The following ZC3H12C variants were observed in gnomAD, a reference collection of about 807,000 sequenced individuals.
ZC3H12C encodes zinc finger CCCH-type containing 12C, also known as probable ribonuclease ZC3H12C.
ZC3H12C carries 20 observed loss-of-function variants against 76.3 expected under a neutral mutation model. That is an observed-to-expected ratio of 0.26 (90% CI 0.18 to 0.38). The LOEUF is 0.38. Among genes scored for constraint, ZC3H12C ranks in the 10% least tolerant of loss-of-function variants. The probability of loss-of-function intolerance (pLI) is 1.00; values close to 1 mark genes in which losing one functional copy is unlikely to be tolerated. For synonymous variants in ZC3H12C, 352 were observed against 399.6 expected, an observed-to-expected ratio of 0.88 and a Z score of 1.42; for missense variants, 874 against 1,086.5, an observed-to-expected ratio of 0.80 and a Z score of 2.75.
At chr11:110,141,074 A>G (rs779062393) in intron 2 of ZC3H12C, among the ~76,000 whole-genome samples, 1 of 152,162 alleles carries the variant, frequency 6.6e-6, no homozygotes, top group Non-Finnish European at 1.5e-5. Flanking sequence ...TAAAGTAACC[A>G]TTTGCTTGAG....
chr11:110,105,232 C>A (rs953782993), intron 1 of ZC3H12C, among the ~76,000 whole-genome samples: 2 of 152,090 alleles, frequency 1.3e-5, no homozygotes, highest in East Asian at 1.9e-4. Context: ...TTTAAAAAAT[C>A]TTTGGCATCA....
intron 1 of ZC3H12C, among the ~76,000 whole-genome samples, chr11:110,130,372 A>G (rs561877841): frequency 2.4e-4 from 36 of 152,252 alleles, no homozygotes; most frequent in South Asian, 1.2e-3. Context: ...TTGTATTTTC[A>G]TCATCTCTTC....
chr11:110,095,822 G>A (rs933147083), intron 1 of ZC3H12C, among the ~76,000 whole-genome samples: 1 of 152,160 alleles, frequency 6.6e-6, no homozygotes, highest in Non-Finnish European at 1.5e-5. Context: ...AGTATGTGGC[G>A]CATGGGGCAG....
chr11:110,121,820 G>A (rs1425428216), intron 1 of ZC3H12C, among the ~76,000 whole-genome samples: 1 of 151,968 alleles, frequency 6.6e-6, no homozygotes, highest in Non-Finnish European at 1.5e-5. Flanking sequence ...TACTTTTCTT[G>A]GGTCATAGTG....
At chr11:110,140,147 C>CA in intron 2 of ZC3H12C, among the ~76,000 whole-genome samples, 1 of 152,090 alleles carries the variant, frequency 6.6e-6, no homozygotes. Flanking sequence ...ACTAAAAATA[C>CA]AAAAATGAGC....
At chr11:110,099,405 A>C (rs1861171893) in intron 1 of ZC3H12C, among the ~76,000 whole-genome samples, 1 of 152,166 alleles carries the variant, frequency 6.6e-6, no homozygotes, top group Non-Finnish European at 1.5e-5. Context: ...TTGATTTCAA[A>C]GTTTGATGAT....
At chr11:110,132,731 C>T (rs1861889522) in intron 1 of ZC3H12C, among the ~76,000 whole-genome samples, 2 of 152,050 alleles carry the variant, frequency 1.3e-5, no homozygotes, top group Admixed American at 1.3e-4. Context: ...CTTTGTGAAA[C>T]TTGGACTATG....
At position 110,170,189 on chromosome 11, in the gene ZC3H12C, G is replaced by GTGTT. The variant is rs1862651680; in HGVS notation, c.*4454_*4457dup. On this transcript the variant is annotated 3_prime_UTR_variant, in exon 6 of 6. Coordinates refer to ENST00000278590, the MANE Select transcript of ZC3H12C (RefSeq NM_033390.2). ...CCATTATTTATTAGAGATATTTCTT[G>GTGTT]TGTTTAACCACAAAAAAAAGCACTC... 6.6e-6 allele frequency: 1 copy of GTGTT among 151,908 alleles called. No individual in the cohort carries two copies. Among genetic ancestry groups the GTGTT allele is most frequent in the Admixed American group, 6.6e-5 (1 of 15,258 alleles). 9.4% of individuals were successfully genotyped at this position (151,908 alleles called of 1,614,324 possible).
chr11:110,139,420 G>T (rs1256275816), intron 2 of ZC3H12C, among the ~76,000 whole-genome samples: 10 of 152,176 alleles, frequency 6.6e-5, no homozygotes, highest in Non-Finnish European at 1.5e-5. Context: ...GTCAAGAGTA[G>T]AGTTGTGCCT....
intron 1 of ZC3H12C, among the ~76,000 whole-genome samples, chr11:110,119,032 G>C (rs1861608817): frequency 6.6e-6 from 1 of 152,064 alleles, no homozygotes; most frequent in African/African-American, 2.4e-5. Context: ...GTATCTGGAA[G>C]CATGCACGTG....
intron 2 of ZC3H12C, 63 bp downstream of exon 2, chr11:110,137,477 T>G: frequency 6.7e-7 from 1 of 1,484,568 alleles, no homozygotes; most frequent in South Asian, 1.4e-5. Context: ...TTATTTCTAA[T>G]TTTGTGGCTC....
rs531063792 is a variant in ZC3H12C, at chr11:110,153,151, T to C, written c.913+93T>C. 3 of 1,453,698 alleles carry C rather than the reference T, an allele frequency of 2.1e-6. No homozygotes were observed. The African/African-American group carries it at 4.3e-5, about 21-fold the overall frequency. The allele number at this position is 1,453,698 out of a possible 1,614,324, so 90.0% of individuals were successfully genotyped here. A position where few individuals can be genotyped will look rare whatever the true frequency, so the allele number is the denominator to read the frequency against. On this transcript the variant is annotated intron_variant, in intron 3 of 5. Coordinates refer to ENST00000278590, the MANE Select transcript of ZC3H12C (RefSeq NM_033390.2). ...GTCAGGTATCCTAAATCCATTTCAC[T>C]TGCTCAGCGCAGGCAGTGGGACACA...
At chr11:110,147,479 T>C (rs1862192081) in intron 2 of ZC3H12C, among the ~76,000 whole-genome samples, 2 of 151,370 alleles carry the variant, frequency 1.3e-5, no homozygotes, top group Admixed American at 6.6e-5. Flanking sequence ...AGGGAGAGCA[T>C]TAGGACAAAT....
rs910204065 is a variant in ZC3H12C, at chr11:110,138,219, C to T, written c.773+805C>T. ...TGGGTAACTGCTCACAATTTCAGAG[C>T]GCTGTGAAGATAAAAAGATATGTGT... is the stretch of plus-strand genomic sequence containing the variant. On this transcript the variant is annotated intron_variant, in intron 2 of 5. Transcript: ENST00000278590. Among the ~76,000 whole-genome samples, 64 of 131,818 alleles carry T rather than the reference C, an allele frequency of 4.9e-4. 1 individual carries two copies. Among genetic ancestry groups the T allele is most frequent in the African/African-American group, 1.6e-3 (59 of 36,270 alleles). The allele number at this position is 131,818 out of a possible 152,430, so 86.5% of individuals were successfully genotyped here. A position where few individuals can be genotyped will look rare whatever the true frequency, so the allele number is the denominator to read the frequency against.
At chr11:110,132,425 A>C (rs1861884783) in intron 1 of ZC3H12C, among the ~76,000 whole-genome samples, 1 of 152,156 alleles carries the variant, frequency 6.6e-6, no homozygotes, top group Non-Finnish European at 1.5e-5. Context: ...GCTACACTTC[A>C]TCATCATCTA....
chr11:110,131,071 C>T, intron 1 of ZC3H12C: 3 of 1,535,822 alleles, frequency 2.0e-6, no homozygotes, highest in Non-Finnish European at 2.6e-6. Context: ...GCTGAAGCTG[C>T]TACAGAAACC....
chr11:110,131,406 T>C (rs539177359), intron 1 of ZC3H12C: 7 of 333,952 alleles, frequency 2.1e-5, no homozygotes, highest in African/African-American at 1.3e-4. Context: ...TGTTCCGATA[T>C]TTTTGATAAA....
intron 1 of ZC3H12C, among the ~76,000 whole-genome samples, chr11:110,108,576 T>C (rs1484415865): frequency 3.3e-5 from 5 of 152,248 alleles, no homozygotes; most frequent in Non-Finnish European, 7.3e-5. Context: ...AATGTCTTCC[T>C]ATTCTTAAGT....
In ZC3H12C at chr11:110,165,000, T is replaced by A; in HGVS notation, c.1915T>A (p.Ser639Thr). 6.2e-7 allele frequency: 1 copy of A among 1,613,966 alleles called. No homozygotes were observed. Among genetic ancestry groups the A allele is most frequent in the Non-Finnish European group, 8.5e-7 (1 of 1,179,878 alleles). The part of the protein sequence containing the change: ...EGSMSCGSSD[S>T]YVGYNDRSYV... ...GAGCATGAGCTGTGGGAGCAGTGACTCCTACGTGGGTTACAATGACCGGTC... is the reference window on the plus strand; with the variant it reads ...GAGCATGAGCTGTGGGAGCAGTGACACCTACGTGGGTTACAATGACCGGTC... Residue 639 changes from serine to threonine, a missense_variant, in exon 6 of 6, where the codon TCC becomes ACC. Physicochemically the swap from Ser to Thr is moderately conservative, Grantham distance 58. Coordinates refer to ENST00000278590, the MANE Select transcript of ZC3H12C (RefSeq NM_033390.2). The surrounding 1 kb of genome is among the most constrained non-coding windows in gnomAD (Gnocchi z 5.7).
Sources: gnomAD v4.1 joint callset for allele counts (sites outside exome capture counted in the v4.1 genomes callset) on GRCh38, gnomAD v4.1.1 for gene constraint, Gnocchi (gnomAD v3.1) non-coding constraint, MANE v1.5 for transcripts, NCBI Gene and HGNC (gene_info 2026-07-23, HGNC 2026-07-21) for gene names.